FAM13C: variants seen among roughly 807,000 people sequenced by gnomAD.
FAM13C encodes family with sequence similarity 13 member C.
A neutral mutation model predicts 73.2 loss-of-function variants in FAM13C; 37 were observed. That is an observed-to-expected ratio of 0.51 (90% confidence interval 0.39 to 0.67). The LOEUF (loss-of-function observed/expected upper bound fraction) is 0.67, where lower values mean the gene tolerates loss of function less well. Among genes scored for constraint, FAM13C ranks in the 30% least tolerant of loss-of-function variants. The pLI is 0.00. For missense variants in FAM13C, 589 were observed against 715.6 expected, an observed-to-expected ratio of 0.82 and a Z score of 2.02; for synonymous variants, 246 against 260.9, an observed-to-expected ratio of 0.94 and a Z score of 0.55.
chr10:59,313,503 T>G (rs1416359392), intron 4 of FAM13C, among the ~76,000 whole-genome samples: 1 of 152,172 alleles, frequency 6.6e-6, no homozygotes, highest in Non-Finnish European at 1.5e-5. Flanking sequence ...TAGGGCCACT[T>G]TGTCATGTAC....
chr10:59,296,369 A>G (rs1846920754), intron 5 of FAM13C, among the ~76,000 whole-genome samples: 1 of 152,318 alleles, frequency 6.6e-6, no homozygotes, highest in Admixed American at 6.5e-5. Flanking sequence ...AACAAAATTA[A>G]CATATTAAAG....
intron 5 of FAM13C, among the ~76,000 whole-genome samples, chr10:59,287,089 C>A (rs987852941): frequency 6.9e-6 from 1 of 145,300 alleles, no homozygotes; most frequent in African/African-American, 2.6e-5. Flanking sequence ...GTAATCCCAG[C>A]ACTTTGGGAG....
chr10:59,276,422 A>C (rs1844329371), intron 6 of FAM13C, among the ~76,000 whole-genome samples: 1 of 152,008 alleles, frequency 6.6e-6, no homozygotes, highest in Admixed American at 6.6e-5. Context: ...AGCATTTACC[A>C]CAGGAGATGA....
chr10:59,303,129 T>C (rs551028334), intron 4 of FAM13C, among the ~76,000 whole-genome samples: 21 of 152,286 alleles, frequency 1.4e-4, no homozygotes, highest in African/African-American at 4.1e-4. Context: ...CTCTGTTCCT[T>C]GAACAGGTAG....
intron 8 of FAM13C, 66 bp from the exon 9 acceptor site, chr10:59,264,232 G>A (rs1842801463): frequency 1.6e-6 from 2 of 1,223,688 alleles, no homozygotes; most frequent in Non-Finnish European, 2.4e-6. Context: ...GGGAGAAAAA[G>A]AGAAAAGGAA....
At chr10:59,270,404 C>A in intron 6 of FAM13C, 1 of 323,590 alleles carries the variant, frequency 3.1e-6, no homozygotes, top group Non-Finnish European at 5.8e-6. Flanking sequence ...ACATTATTTG[C>A]ATAAGTCAGA....
rs201021509 is a variant in FAM13C at position 59,309,927 on chromosome 10, TA to T, written c.444-7064del. On this transcript the variant is annotated intron_variant, in intron 4 of 13. Coordinates refer to ENST00000618804, the MANE Select transcript of FAM13C (RefSeq NM_198215.4). Reference sequence around the variant, plus strand: ...TATTTCTGAGTGTGTAAAGTAATGATAACTGATGCTCCCTCTTCCACCTATA... The same window carrying T: ...TATTTCTGAGTGTGTAAAGTAATGATACTGATGCTCCCTCTTCCACCTATA... 6.2e-3 allele frequency among the ~76,000 whole-genome samples: 949 copies of T among 152,288 alleles called. 12 individuals are homozygous for T. Among genetic ancestry groups the T allele is most frequent in the African/African-American group, 0.022 (905 of 41,544 alleles).
intron 8 of FAM13C, among the ~76,000 whole-genome samples, chr10:59,264,816 G>A (rs1032373317): frequency 2.0e-5 from 3 of 152,062 alleles, no homozygotes; most frequent in African/African-American, 7.2e-5. Flanking sequence ...TACCCCCACA[G>A]ATCAGTAAAA....
At position 59,251,670 on chromosome 10, in the gene FAM13C, T is replaced by G; in HGVS notation, c.1539A>C (p.Val513=). ...TAGTTTCTCGGAGATGGTCAAGAAGTACAGGCCTATATAAGGTAAAATACT... is the reference window on the plus strand; with the variant it reads ...TAGTTTCTCGGAGATGGTCAAGAAGGACAGGCCTATATAAGGTAAAATACT... ...MSNLHEATMP[V]LLDHLRETRA... The change falls in exon 13 of 14, where the codon GTA becomes GTC. Residue 513 remains valine, a synonymous_variant. Coordinates refer to ENST00000618804, the MANE Select transcript of FAM13C (RefSeq NM_198215.4). 6.2e-7 allele frequency: 1 copy of G among 1,609,000 alleles called. No individual in the cohort carries two copies. Among genetic ancestry groups the G allele is most frequent in the Non-Finnish European group, 8.5e-7 (1 of 1,177,928 alleles).
At chr10:59,362,088 C>T (rs999322287) in intron 1 of FAM13C, among the ~76,000 whole-genome samples, 33 of 152,134 alleles carry the variant, frequency 2.2e-4, no homozygotes, top group African/African-American at 8.0e-4. Flanking sequence ...CAAAATACAA[C>T]AAAGCTTCCT....
intron 5 of FAM13C, chr10:59,300,573 T>C (rs1847480720): frequency 6.6e-6 from 1 of 152,132 alleles, no homozygotes. Context: ...ACAAAGAGGC[T>C]AGAAAACAGC....
Position 59,352,267 on chromosome 10 carries a change from T to G in FAM13C, c.324+3A>C. On this transcript the variant is annotated splice_donor_region_variant and intron_variant, in intron 3 of 13. Coordinates refer to ENST00000618804, the MANE Select transcript of FAM13C (RefSeq NM_198215.4). ...CAAAAGCCTGAGAAGAGAGAGCTGC[T>G]ACCTGACTTTCTCCGTGGCTCCTCC... The G allele has an allele frequency of 6.2e-7, 1 of 1,613,588 alleles. No homozygotes were observed. Among genetic ancestry groups the G allele is most frequent in the South Asian group, 1.1e-5 (1 of 91,054 alleles).
chr10:59,333,449 C>A (rs574549172), intron 3 of FAM13C, among the ~76,000 whole-genome samples: 11 of 152,246 alleles, frequency 7.2e-5, no homozygotes, highest in Middle Eastern at 3.4e-3. Flanking sequence ...AATCACTCCA[C>A]TGCACTCCAG....
At chr10:59,301,068 T>C (rs284598) in intron 5 of FAM13C, 86,610 of 152,158 alleles carry the variant, frequency 0.57, 26,028 homozygotes, top group Admixed American at 0.66. Context: ...TGAGAAATGC[T>C]GGGAATGATA....
chr10:59,350,207 A>G (rs902257046), intron 3 of FAM13C, among the ~76,000 whole-genome samples: 11 of 152,188 alleles, frequency 7.2e-5, no homozygotes, highest in Admixed American at 6.5e-5. Flanking sequence ...CAGGATTCCA[A>G]TGCTGTATTA....
At chr10:59,264,218 G>A in intron 8 of FAM13C, 52 bp from the exon 9 acceptor site, 3 of 1,160,938 alleles carry the variant, frequency 2.6e-6, no homozygotes, top group Non-Finnish European at 3.8e-6. Context: ...GAGGGAGAGG[G>A]TGGGGGAGAA....
chr10:59,280,646 G>A lies in FAM13C; in HGVS notation c.592+2717C>T, dbSNP rs553517537. 3.3e-5 allele frequency among the ~76,000 whole-genome samples: 5 copies of A among 152,300 alleles called. No homozygotes were observed. The South Asian group carries it at 8.3e-4, about 25-fold the overall frequency. On this transcript the variant is annotated intron_variant, in intron 6 of 13. Transcript: ENST00000618804. ...GAGGATGCCAGAGAATCTCCACATT[G>A]GAAAAGCTTCCTGGTAATTATGATC...
chr10:59,252,704 G>T, intron 12 of FAM13C, 95 bp downstream of exon 12: 1 of 1,228,120 alleles, frequency 8.1e-7, no homozygotes, highest in Non-Finnish European at 1.2e-6. Flanking sequence ...CCACCCCTTT[G>T]AGTCCAGCAT....
intron 5 of FAM13C, among the ~76,000 whole-genome samples, chr10:59,291,442 C>G (rs1364563292): frequency 2.0e-5 from 3 of 152,192 alleles, no homozygotes; most frequent in African/African-American, 7.2e-5. Flanking sequence ...CTCAGCCCGC[C>G]CCAGCTTCCC....
Sources: gnomAD v4.1 joint callset for allele counts (sites outside exome capture counted in the v4.1 genomes callset) on GRCh38, gnomAD v4.1.1 for gene constraint, MANE v1.5 for transcripts, NCBI Gene and HGNC (gene_info 2026-07-23, HGNC 2026-07-21) for gene names.